The following ASTN2 variants were observed in gnomAD, a reference collection of about 807,000 sequenced individuals.
The protein encoded by ASTN2 is astrotactin-2.
ASTN2 carries 54 observed loss-of-function variants against 139.8 expected under a neutral mutation model. That is an observed-to-expected ratio of 0.39 (90% CI 0.31 to 0.48). The LOEUF is 0.48. Ranked by LOEUF, ASTN2 falls within the 20% of genes least tolerant of loss-of-function variation. The probability of loss-of-function intolerance (pLI) is 0.95; values close to 1 mark genes in which losing one functional copy is unlikely to be tolerated. For synonymous variants in ASTN2, 756 were observed against 719.5 expected, an observed-to-expected ratio of 1.05 and a Z score of -0.81; for missense variants, 1,565 against 1,725.1, an observed-to-expected ratio of 0.91 and a Z score of 1.64.
chr9:116,972,386 C>T (rs750495222), intron 10 of ASTN2, among the ~76,000 whole-genome samples: 2 of 151,986 alleles, frequency 1.3e-5, no homozygotes, highest in African/African-American at 2.4e-5. Flanking sequence ...TACTTTTTCG[C>T]TGATGGGTAT....
intron 16 of ASTN2, chr9:116,700,683 A>G (rs774834352): frequency 1.2e-5 from 2 of 166,958 alleles, no homozygotes; most frequent in Non-Finnish European, 2.9e-5. Flanking sequence ...GTCAGTACAT[A>G]CTATTTGGTT....
intron 17 of ASTN2, among the ~76,000 whole-genome samples, chr9:116,642,420 G>T (rs146146888): frequency 6.6e-6 from 1 of 152,030 alleles, no homozygotes; most frequent in African/African-American, 2.4e-5. Flanking sequence ...TATAATGCCT[G>T]CTTTGCTCCT....
chr9:117,392,334 G>A (rs1030377286), intron 1 of ASTN2, among the ~76,000 whole-genome samples: 1 of 152,152 alleles, frequency 6.6e-6, no homozygotes, highest in Non-Finnish European at 1.5e-5. Context: ...AACAAAGGGA[G>A]AAATCCAAGG....
chr9:117,134,459 G>A (rs1389549147), intron 4 of ASTN2, among the ~76,000 whole-genome samples: 2 of 151,772 alleles, frequency 1.3e-5, no homozygotes, highest in African/African-American at 4.8e-5. Context: ...ATGCTGCTGG[G>A]AAATGTGTGA....
At chr9:117,154,541 T>A (rs758300170) in intron 3 of ASTN2, among the ~76,000 whole-genome samples, 2 of 152,072 alleles carry the variant, frequency 1.3e-5, no homozygotes, top group African/African-American at 2.4e-5. Context: ...TACTGTGACA[T>A]GTATCTTAAA....
chr9:117,227,839 A>C (rs947896011), intron 2 of ASTN2, among the ~76,000 whole-genome samples: 1 of 152,216 alleles, frequency 6.6e-6, no homozygotes, highest in Admixed American at 6.5e-5. Context: ...ATACTGAGCC[A>C]GAAAGTAAAG....
intron 17 of ASTN2, among the ~76,000 whole-genome samples, chr9:116,649,102 C>T (rs1295247222): frequency 1.3e-5 from 2 of 152,170 alleles, no homozygotes; most frequent in Admixed American, 6.5e-5. Context: ...TTCCTTATGC[C>T]ATTACCTTAG....
At chr9:117,106,843 A>G (rs1829118954) in intron 4 of ASTN2, among the ~76,000 whole-genome samples, 1 of 152,180 alleles carries the variant, frequency 6.6e-6, no homozygotes, top group Admixed American at 6.5e-5. Flanking sequence ...TGCTAGGAAT[A>G]CATATTGGGG....
intron 1 of ASTN2, among the ~76,000 whole-genome samples, chr9:117,306,240 C>T (rs759124678): frequency 5.9e-5 from 9 of 152,248 alleles, no homozygotes; most frequent in East Asian, 5.8e-4. Flanking sequence ...CAAATGTTTC[C>T]AGAGAGCGTT....
At chr9:116,428,860 A>G (rs908745076) in intron 22 of ASTN2, among the ~76,000 whole-genome samples, 3 of 152,238 alleles carry the variant, frequency 2.0e-5, no homozygotes, top group Non-Finnish European at 4.4e-5. Flanking sequence ...TATTTTTTAA[A>G]TAAAAAATTA....
intron 3 of ASTN2, among the ~76,000 whole-genome samples, chr9:117,176,857 T>A (rs1456514241): frequency 2.0e-5 from 3 of 152,176 alleles, no homozygotes; most frequent in African/African-American, 7.2e-5. Context: ...CTTGAGCCTA[T>A]GAGTTGCAGT....
intron 1 of ASTN2, among the ~76,000 whole-genome samples, chr9:117,301,575 G>T (rs927978055): frequency 6.6e-6 from 1 of 152,136 alleles, no homozygotes; most frequent in Non-Finnish European, 1.5e-5. Flanking sequence ...TTTCACCACT[G>T]TCCTACATAG....
chr9:117,256,916 C>A (rs1833701934), intron 2 of ASTN2, among the ~76,000 whole-genome samples: 1 of 151,716 alleles, frequency 6.6e-6, no homozygotes, highest in African/African-American at 2.4e-5. Flanking sequence ...GTTAAAGACA[C>A]AGATAGTCAG....
At chr9:116,986,167 C>CA (rs535470048) in intron 7 of ASTN2, among the ~76,000 whole-genome samples, 2 of 137,396 alleles carry the variant, frequency 1.5e-5, no homozygotes, top group South Asian at 2.7e-4. Flanking sequence ...GCTGCCCCCC[C>CA]CCACCCCCCT....
chr9:116,805,736 T>A lies in ASTN2; in HGVS notation c.2292A>T (p.Lys764Asn). The A allele has an allele frequency of 6.2e-7, 1 of 1,613,990 alleles. No homozygotes were observed. Among genetic ancestry groups the A allele is most frequent in the Non-Finnish European group, 8.5e-7 (1 of 1,179,868 alleles). Residue 764 changes from lysine to asparagine, a missense_variant, in exon 13 of 23, where the codon AAA (lysine) becomes AAT (asparagine). Physicochemically the swap from Lys to Asn is moderately conservative, Grantham distance 94. Transcript: ENST00000313400. ...GGGTATCATTGAATTTGGAGTCAGG[T>A]TTGAGGCACTTGGGGCCCTCGCAGA... The part of the protein sequence containing the change: ...SDVCEGPKCL[K>N]PDSKFNDTLF...
intron 1 of ASTN2, among the ~76,000 whole-genome samples, chr9:117,389,639 A>G (rs951096037): frequency 2.0e-5 from 3 of 152,148 alleles, no homozygotes; most frequent in Admixed American, 1.3e-4. Flanking sequence ...ACCATATTCG[A>G]CACTGGTATC....
intron 5 of ASTN2, among the ~76,000 whole-genome samples, chr9:117,071,984 GC>G (rs1828147569): frequency 6.6e-6 from 1 of 152,132 alleles, no homozygotes. Flanking sequence ...AGTCAGTCAC[GC>G]TGGGAGCTGA....
chr9:117,274,663 G>A (rs1020105999), intron 2 of ASTN2, among the ~76,000 whole-genome samples: 1 of 152,208 alleles, frequency 6.6e-6, no homozygotes, highest in Non-Finnish European at 1.5e-5. Context: ...ATGGCACTTC[G>A]TATAGGTGAG....
At chr9:117,266,744 C>T (rs992093135) in intron 2 of ASTN2, among the ~76,000 whole-genome samples, 2 of 152,146 alleles carry the variant, frequency 1.3e-5, no homozygotes, top group African/African-American at 4.8e-5. Context: ...GGTAATAAAT[C>T]ACTGAAGACA....
Sources: gnomAD v4.1 joint callset for allele counts (sites outside exome capture counted in the v4.1 genomes callset) on GRCh38, gnomAD v4.1.1 for gene constraint, MANE v1.5 for transcripts, NCBI Gene and HGNC (gene_info 2026-07-23, HGNC 2026-07-21) for gene names.